The following LUC7L2 variants were observed in gnomAD, a reference collection of about 807,000 sequenced individuals.
The protein encoded by LUC7L2 is LUC7 like 2, pre-mRNA splicing factor, also known as putative RNA-binding protein Luc7-like 2.
A neutral mutation model predicts 52.8 loss-of-function variants in LUC7L2; 25 were observed. The observed-to-expected ratio is 0.47, with a 90% confidence interval of 0.34 to 0.66. LUC7L2 has a LOEUF of 0.66. Ranked by LOEUF, LUC7L2 falls within the 30% of genes least tolerant of loss-of-function variation. The pLI is 0.01. For synonymous variants in LUC7L2, 144 were observed against 160.9 expected (o/e 0.89, Z 0.80); for missense variants, 328 against 497.8 (o/e 0.66, Z 3.25).
chr7:139,404,961 C>T (rs1012202619), intron 4 of LUC7L2, among the ~76,000 whole-genome samples: 14 of 152,204 alleles, frequency 9.2e-5, no homozygotes, highest in Middle Eastern at 3.2e-3. Context: ...ATTTCTTTAA[C>T]TCATATTTGA....
intron 2 of LUC7L2, among the ~76,000 whole-genome samples, chr7:139,386,189 G>T (rs1794183471): frequency 6.6e-6 from 1 of 151,846 alleles, no homozygotes; most frequent in Non-Finnish European, 1.5e-5. Flanking sequence ...TTTTAGTAGA[G>T]ATGGGGTTTC....
rs1454982117 is a variant in LUC7L2, at chr7:139,417,699, G to A, written c.971G>A (p.Arg324Lys). Reference sequence around the variant, plus strand: ...CACCAGAGAAGTCGGCACAGTTCTAGAGATAGGAGCAGAGAACGATCCAAG... The same window carrying A: ...CACCAGAGAAGTCGGCACAGTTCTAAAGATAGGAGCAGAGAACGATCCAAG... The part of the protein sequence containing the change: ...RSHQRSRHSS[R>K]DRSRERSKRR... The change falls in exon 9 of 10, where the codon AGA (arginine) becomes AAA (lysine). Residue 324 changes from arginine (R) to lysine (K), a missense_variant. Physicochemically the swap from Arg to Lys is conservative, Grantham distance 26. This residue lies in a region of LUC7L2 where 195 missense variants were observed against 223.3 expected (regional missense o/e 0.87). Coordinates refer to ENST00000354926, the MANE Select transcript of LUC7L2 (RefSeq NM_016019.5). 1 of 1,614,086 alleles carries A rather than the reference G, an allele frequency of 6.2e-7. No individual in the cohort carries two copies. Among genetic ancestry groups the A allele is most frequent in the East Asian group, 2.2e-5 (1 of 44,888 alleles).
chr7:139,411,264 G>C (rs1194518734), intron 7 of LUC7L2, among the ~76,000 whole-genome samples: 1 of 152,090 alleles, frequency 6.6e-6, no homozygotes, highest in East Asian at 1.9e-4. Context: ...TTAAAAAAAA[G>C]TCGTTGAATC....
At chr7:139,417,858 C>T (rs1051826242) in intron 9 of LUC7L2, 129 bp downstream of exon 9, 1 of 1,265,934 alleles carries the variant, frequency 7.9e-7, no homozygotes, top group African/African-American at 1.5e-5. Flanking sequence ...AATATGTACA[C>T]ATTTATGTGT....
chr7:139,371,339 A>G, intron 1 of LUC7L2: 1 of 749,474 alleles, frequency 1.3e-6, no homozygotes, highest in Non-Finnish European at 2.4e-6. Context: ...TACAAACTTT[A>G]AGGTTCTTTT....
chr7:139,400,506 C>T (rs963678726), intron 3 of LUC7L2, among the ~76,000 whole-genome samples: 3 of 152,084 alleles, frequency 2.0e-5, no homozygotes, highest in Admixed American at 2.0e-4. Context: ...GACTCTGTCT[C>T]AAAACACAAA....
chr7:139,356,883 C>G (rs141548592), upstream of LUC7L2, among the ~76,000 whole-genome samples: 863 of 152,154 alleles, frequency 5.7e-3, 8 homozygotes, highest in Non-Finnish European at 9.1e-3. Context: ...GATGGACAGG[C>G]AGAGATTTCC....
intron 1 of LUC7L2, among the ~76,000 whole-genome samples, chr7:139,340,856 G>A (rs1798912093): frequency 6.6e-6 from 1 of 151,152 alleles, no homozygotes; most frequent in Admixed American, 6.6e-5. Flanking sequence ...AATGGGAAGT[G>A]TGTGTGTGTT....
intron 9 of LUC7L2, among the ~76,000 whole-genome samples, chr7:139,419,116 C>CA (rs1202438717): frequency 2.8e-4 from 30 of 105,556 alleles, no homozygotes; most frequent in East Asian, 1.4e-3. Context: ...GCTCTCAAAA[C>CA]AAAAAAAAAC....
At chr7:139,345,582 C>T (rs761612375) in intron 1 of LUC7L2, 23 of 1,613,990 alleles carry the variant, frequency 1.4e-5, no homozygotes, top group African/African-American at 2.7e-5. Context: ...GCGTAGCATC[C>T]GGAAACATGT....
chr7:139,341,031 C>T (rs142972422), intron 1 of LUC7L2: 256 of 217,898 alleles, frequency 1.2e-3, no homozygotes, highest in African/African-American at 5.4e-3. Context: ...ATATCAAATC[C>T]ACACCCACAC....
intron 4 of LUC7L2, among the ~76,000 whole-genome samples, chr7:139,402,607 ATC>A (rs1794961690): frequency 6.6e-6 from 1 of 152,120 alleles, no homozygotes; most frequent in South Asian, 2.1e-4. Flanking sequence ...GCTTGCTGCA[ATC>A]TCTGCCTTCT....
chr7:139,350,175 G>A (rs1458846078), intron 1 of LUC7L2, among the ~76,000 whole-genome samples: 3 of 151,984 alleles, frequency 2.0e-5, no homozygotes, highest in Non-Finnish European at 4.4e-5. Flanking sequence ...AGGCTGGAGT[G>A]CAGTGGCGCG....
chr7:139,349,405 T>A (rs1206507662), intron 1 of LUC7L2, among the ~76,000 whole-genome samples: 2 of 152,182 alleles, frequency 1.3e-5, no homozygotes, highest in Non-Finnish European at 2.9e-5. Flanking sequence ...CTATTCATAG[T>A]CGCACCATCA....
At position 139,422,730 on chromosome 7, in the gene LUC7L2, C is replaced by T; in HGVS notation, c.*390C>T. 2.5e-6 allele frequency: 1 copy of T among 404,972 alleles called. No homozygotes were observed. Among genetic ancestry groups the T allele is most frequent in the South Asian group, 1.2e-4 (1 of 8,466 alleles). The allele number at this position is 404,972 out of a possible 1,614,324, so 25.1% of individuals were successfully genotyped here. A position where few individuals can be genotyped will look rare whatever the true frequency, so the allele number is the denominator to read the frequency against. ...TTCTTTTTAATTATTCTTCCTCTGA[C>T]TTTGTATCCCTTAATACCTACACTC... On this transcript the variant is annotated 3_prime_UTR_variant, in exon 10 of 10. Transcript: ENST00000354926.
chr7:139,366,549 C>T (rs1017280036), intron 1 of LUC7L2, among the ~76,000 whole-genome samples: 5 of 152,204 alleles, frequency 3.3e-5, no homozygotes, highest in Admixed American at 3.3e-4. Context: ...CTATGGCCTC[C>T]TGCTTTTGGT....
chr7:139,381,560 C>T (rs10249400), intron 2 of LUC7L2, among the ~76,000 whole-genome samples: 6,763 of 151,312 alleles, frequency 0.045, 353 homozygotes, highest in African/African-American at 0.12. Context: ...CAAATGTGCG[C>T]CACTAGGCTC....
At chr7:139,376,177 T>G in intron 2 of LUC7L2, 21 bp downstream of exon 2, 18 of 1,611,258 alleles carry the variant, frequency 1.1e-5, no homozygotes, top group Non-Finnish European at 1.5e-5. Flanking sequence ...ACTAAATGTA[T>G]TGTTAGATTA....
intron 2 of LUC7L2, among the ~76,000 whole-genome samples, chr7:139,382,321 G>A (rs1026812797): frequency 4.6e-5 from 7 of 152,168 alleles, no homozygotes; most frequent in Admixed American, 1.3e-4. Context: ...TACAGATAGG[G>A]TTAGGGACTT....
Sources: gnomAD v4.1 joint callset for allele counts (sites outside exome capture counted in the v4.1 genomes callset) on GRCh38, gnomAD v4.1.1 for gene constraint, gnomAD v4.1.1 regional missense constraint, MANE v1.5 for transcripts, NCBI Gene and HGNC (gene_info 2026-07-23, HGNC 2026-07-21) for gene names.